The following MYH14 variants were observed in gnomAD, a reference collection of about 807,000 sequenced individuals.
The protein encoded by MYH14 is myosin-14.
In MYH14, 123 loss-of-function variants were observed where a neutral mutation model predicts 255.5. The ratio of observed to expected loss-of-function variants is 0.48; its 90% CI spans 0.42 to 0.56. The LOEUF is 0.56. Among genes scored for constraint, MYH14 ranks in the 20% least tolerant of loss-of-function variants. The pLI is 0.00. For missense variants in MYH14, 2,423 were observed against 2,802.3 expected, an observed-to-expected ratio of 0.86 and a Z score of 3.06; for synonymous variants, 1,095 against 1,161.2, an observed-to-expected ratio of 0.94 and a Z score of 1.16.
intron 1 of MYH14, among the ~76,000 whole-genome samples, chr19:50,210,096 CAAAAAAAAAAAAAAAAAAA>C (rs71180680): frequency 8.4e-4 from 50 of 59,640 alleles, no homozygotes; most frequent in South Asian, 5.2e-3. Flanking sequence ...GACTCCGTCT[CAAAAAAAAAAAAAAAAAAA>C]AAAAAAAAAA....
At chr19:50,247,315 A>G (rs952736088) in intron 12 of MYH14, among the ~76,000 whole-genome samples, 193 bp downstream of exon 12, 2 of 152,044 alleles carry the variant, frequency 1.3e-5, no homozygotes, top group African/African-American at 4.8e-5. Flanking sequence ...AGGGACCTCA[A>G]GTTATAGTAA....
chr19:50,224,955 A>C (rs1036426817), intron 6 of MYH14: 6 of 407,614 alleles, frequency 1.5e-5, no homozygotes, highest in Non-Finnish European at 3.0e-5. Context: ...AAATTTTAAA[A>C]AGTAGCTGGG....
intron 3 of MYH14, 47 bp from the exon 4 acceptor site, chr19:50,223,036 C>CT: frequency 6.3e-7 from 1 of 1,589,018 alleles, no homozygotes; most frequent in Non-Finnish European, 8.6e-7. Context: ...GAGGGCCCTG[C>CT]TAGAGACTCT....
Position 50,210,441 on chromosome 19 carries a change from C to G in MYH14, c.76C>G (p.Pro26Ala). Residue 26 changes from proline (P) to alanine (A), a missense_variant, in exon 2 of 43, where the codon CCG becomes GCG. By Grantham distance (27) the Pro-to-Ala change is conservative (BLOSUM62 -1). Coordinates refer to ENST00000642316, the MANE Select transcript of MYH14 (RefSeq NM_001145809.2). ...GGGCCCAGTGCCCGAGGCGGCCCAG[C>G]CGTTCCTGTTCACGCCCCGCGGGCC... ...RPGPVPEAAQ[P>A]FLFTPRGPSA... 6.4e-7 allele frequency: 1 copy of G among 1,554,178 alleles called. No individual in the cohort carries two copies. The highest frequency in any genetic ancestry group is 8.7e-7 in the Non-Finnish European group (1 of 1,150,622).
In MYH14 at chr19:50,309,871, A is replaced by G. The variant is rs772326631; in HGVS notation, c.*81A>G. 7.4e-5 allele frequency: 105 copies of G among 1,424,226 alleles called. No homozygotes were observed. The highest frequency in any genetic ancestry group is 1.7e-5 in the Non-Finnish European group (18 of 1,032,382). The allele number at this position is 1,424,226 out of a possible 1,614,324, so 88.2% of individuals were successfully genotyped here. A position where few individuals can be genotyped will look rare whatever the true frequency, so the allele number is the denominator to read the frequency against. On this transcript the variant is annotated 3_prime_UTR_variant, in exon 43 of 43. Transcript: ENST00000642316. Reference sequence around the variant, plus strand: ...GACCCCACGGGCCCCTGTCCCAGGAACCCCGCCCTCTGACTTCTTGCCCTT... The same window carrying G: ...GACCCCACGGGCCCCTGTCCCAGGAGCCCCGCCCTCTGACTTCTTGCCCTT...
intron 27 of MYH14, 73 bp downstream of exon 27, chr19:50,272,804 A>G: frequency 6.8e-7 from 1 of 1,467,654 alleles, no homozygotes; most frequent in African/African-American, 1.4e-5. Flanking sequence ...TGCCCAAGTC[A>G]GAAGCTCCTG....
intron 22 of MYH14, among the ~76,000 whole-genome samples, chr19:50,264,372 C>G (rs1400621550): frequency 2.0e-5 from 3 of 152,144 alleles, no homozygotes; most frequent in Admixed American, 6.5e-5. Context: ...GCCCAGGGCC[C>G]CCACCACAGA....
chr19:50,267,590 C>T (rs1185200786), intron 23 of MYH14, among the ~76,000 whole-genome samples: 3 of 147,096 alleles, frequency 2.0e-5, no homozygotes, highest in Non-Finnish European at 4.5e-5. Flanking sequence ...CACCGCACTC[C>T]AGCCTGGTCG....
intron 33 of MYH14, among the ~76,000 whole-genome samples, chr19:50,283,182 C>T (rs1191908669): frequency 2.6e-5 from 4 of 151,740 alleles, no homozygotes; most frequent in African/African-American, 9.7e-5. Flanking sequence ...TGCAGTGGCA[C>T]GATCTCAGCT....
intron 3 of MYH14, among the ~76,000 whole-genome samples, chr19:50,219,054 C>CTATA (rs572041429): frequency 7.1e-6 from 1 of 140,218 alleles, no homozygotes; most frequent in African/African-American, 2.6e-5. Context: ...CTCTCTCTCT[C>CTATA]TATATATATA....
In MYH14 at chr19:50,244,101, G is replaced by A. The variant is rs190313660; in HGVS notation, c.1115-141G>A. On this transcript the variant is annotated intron_variant, in intron 10 of 42. Coordinates refer to ENST00000642316, the MANE Select transcript of MYH14 (RefSeq NM_001145809.2). ...TGGGATTACAGGTGTGAGCTATCAC[G>A]CCCATCCCACAAGTAGATTTTAAGC... The A allele has an allele frequency of 5.4e-5, 37 of 688,300 alleles. No homozygotes were observed. In the East Asian group the frequency reaches 8.1e-4, roughly 15 times the overall value. 42.6% of individuals were successfully genotyped at this position (688,300 alleles called of 1,614,324 possible).
chr19:50,291,117 G>A (rs2036061763), intron 36 of MYH14, 69 bp downstream of exon 36: 2 of 1,522,206 alleles, frequency 1.3e-6, no homozygotes, highest in Admixed American at 3.8e-5. Context: ...TCACTCCAGG[G>A]TCTAAGGCTA....
intron 34 of MYH14, among the ~76,000 whole-genome samples, chr19:50,288,904 A>G (rs2035976817): frequency 6.6e-6 from 1 of 152,010 alleles, no homozygotes; most frequent in Non-Finnish European, 1.5e-5. Flanking sequence ...GCCCAGCTCT[A>G]TTTTCACAGC....
intron 29 of MYH14, among the ~76,000 whole-genome samples, chr19:50,277,188 A>G (rs2123409293): frequency 6.6e-6 from 1 of 152,246 alleles, no homozygotes; most frequent in East Asian, 1.9e-4. Flanking sequence ...AAACACTTTC[A>G]GTTTATATTG....
chr19:50,221,766 T>A lies in MYH14; in HGVS notation c.563-1317T>A, dbSNP rs1052175364. On this transcript the variant is annotated intron_variant, in intron 3 of 42. Coordinates refer to ENST00000642316, the MANE Select transcript of MYH14 (RefSeq NM_001145809.2). This position sits in a 1 kb window ranked among gnomAD's most constrained non-coding sequence, Gnocchi z 5.3. The stretch of plus-strand genomic sequence containing the variant: ...TGCTGGGATTACAGGTATGAGCCAC[T>A]GTGTCCAGCCTAATCGCTGCTTTAA... Among the ~76,000 whole-genome samples the A allele has an allele frequency of 5.9e-5, 9 of 152,104 alleles. No individual in the cohort carries two copies. The highest frequency in any genetic ancestry group is 1.2e-4 in the Non-Finnish European group (8 of 68,012).
At chr19:50,210,095 T>TTAA (rs1346039043) in intron 1 of MYH14, among the ~76,000 whole-genome samples, 1 of 57,800 alleles carries the variant, frequency 1.7e-5, no homozygotes, top group African/African-American at 8.9e-5. Context: ...AGACTCCGTC[T>TTAA]CAAAAAAAAA....
chr19:50,210,320 C>T lies in MYH14; in HGVS notation c.-3-43C>T, dbSNP rs181987282. 3.4e-4 allele frequency: 511 copies of T among 1,514,070 alleles called. 2 individuals are homozygous for T. The African/African-American group carries it at 5.9e-3, about 18-fold the overall frequency. 93.8% of individuals were successfully genotyped at this position (1,514,070 alleles called of 1,614,324 possible). A position where few individuals can be genotyped will look rare whatever the true frequency, so the allele number is the denominator to read the frequency against. On this transcript the variant is annotated intron_variant, in intron 1 of 42. Coordinates refer to ENST00000642316, the MANE Select transcript of MYH14 (RefSeq NM_001145809.2). ...GGGTAGGGAAGGGAGGCCCGGGGGA[C>T]GGAGCCCCATCTGACCCCCACCCTC...
chr19:50,268,322 C>G lies in MYH14; in HGVS notation c.2988C>G (p.Ser996Arg), dbSNP rs368160641. ...GCGTGGGCGAGGAGGAGGAGTGCAG[C>G]CGTCAAATGCAAACCGAGAAGAAGA... ...EARVGEEEECSRQMQTEKKRL... is the reference protein window; with the variant it reads ...EARVGEEEECRRQMQTEKKRL... The change falls in exon 24 of 43, where the codon AGC becomes AGG. Residue 996 changes from serine to arginine, a missense_variant. Ser to Arg is a moderately radical substitution (Grantham distance 110). This residue lies in a region of MYH14 where 1,513 missense variants were observed against 1,674.8 expected (regional missense o/e 0.90). Coordinates refer to ENST00000642316, the MANE Select transcript of MYH14 (RefSeq NM_001145809.2). 2.5e-6 allele frequency: 4 copies of G among 1,587,986 alleles called. No homozygotes were observed. In the Middle Eastern group the frequency reaches 5.3e-4, roughly 212 times the overall value.
At position 50,250,454 on chromosome 19, in the gene MYH14, G is replaced by A; in HGVS notation, c.1657-61G>A. 1 of 1,531,286 alleles carries A rather than the reference G, an allele frequency of 6.5e-7. No individual in the cohort carries two copies. 94.9% of individuals were successfully genotyped at this position (1,531,286 alleles called of 1,614,324 possible). A position where few individuals can be genotyped will look rare whatever the true frequency, so the allele number is the denominator to read the frequency against. On this transcript the variant is annotated intron_variant, in intron 14 of 42. Transcript: ENST00000642316. The surrounding 1 kb of genome is among the most constrained non-coding windows in gnomAD (Gnocchi z 5.4). ...GACTTATAAGAGCTAAAAATCAGCA[G>A]CCACCTGAGTGTCCAATATGTGGGG...
Sources: allele counts gnomAD v4.1 joint callset (sites outside exome capture counted in the v4.1 genomes callset), GRCh38; gene constraint gnomAD v4.1.1; regional missense constraint gnomAD v4.1.1; non-coding constraint Gnocchi (gnomAD v3.1); transcripts MANE v1.5; gene names NCBI Gene and HGNC (gene_info 2026-07-23, HGNC 2026-07-21).